MESD: variants seen among roughly 807,000 people sequenced by gnomAD.
MESD encodes the protein LRP chaperone MESD.
MESD carries 7 observed loss-of-function variants against 12.9 expected under a neutral mutation model. The observed-to-expected ratio is 0.54, with a 90% CI of 0.31 to 1.02. The LOEUF is 1.02. Among genes scored for constraint, MESD ranks in the 50% least tolerant of loss-of-function variants. The pLI is 0.05. For missense variants in MESD, 342 were observed against 296.7 expected (o/e 1.15, Z -1.12); for synonymous variants, 126 against 115.6 (o/e 1.09, Z -0.58).
chr15:80,948,773 A>T, exon 5 of MESD: 1 of 1,614,014 alleles, frequency 6.2e-7, no homozygotes, highest in Non-Finnish European at 8.5e-7. Flanking sequence ...GCTTTTGCTC[A>T]GGAGACTCAT....
exon 5 of MESD, chr15:80,948,524 T>C (rs758222224): frequency 9.5e-5 from 47 of 492,622 alleles, no homozygotes; most frequent in East Asian, 2.0e-4. Context: ...GTTTGCCCCA[T>C]TTCCTGCTGT....
intron 1 of MESD, among the ~76,000 whole-genome samples, chr15:80,984,234 T>G (rs1204426278): frequency 6.6e-6 from 1 of 151,980 alleles, no homozygotes; most frequent in Non-Finnish European, 1.5e-5. Context: ...AAATCTTTAA[T>G]AGAACCAGGT....
chr15:80,984,812 C>T (rs1422951693), intron 1 of MESD, among the ~76,000 whole-genome samples: 1 of 152,202 alleles, frequency 6.6e-6, no homozygotes, highest in Admixed American at 6.5e-5. Context: ...GTCACTCTTA[C>T]TGAACAATAT....
rs1433233756 is a variant in MESD at position 80,978,759 on chromosome 15, A to T, written c.*460T>A. 6.5e-6 allele frequency: 1 copy of T among 154,938 alleles called. No homozygotes were observed. The highest frequency in any genetic ancestry group is 1.4e-5 in the Non-Finnish European group (1 of 70,026). 9.6% of individuals were successfully genotyped at this position (154,938 alleles called of 1,614,324 possible). ...ACAGACATCTGAGTTCACAAAGCATATTTTACCTTTAACATAATGAAAATG... is the reference window on the plus strand; with the variant it reads ...ACAGACATCTGAGTTCACAAAGCATTTTTTACCTTTAACATAATGAAAATG... On this transcript the variant is annotated 3_prime_UTR_variant, in exon 3 of 3. Transcript: ENST00000261758.
intron 3 of MESD, among the ~76,000 whole-genome samples, chr15:80,969,592 C>G (rs117505832): frequency 6.6e-6 from 1 of 152,038 alleles, no homozygotes; most frequent in Admixed American, 6.6e-5. Context: ...TGGTGGCTCA[C>G]GCCTGTAACC....
chr15:80,971,417 C>T (rs926520103), downstream of MESD, among the ~76,000 whole-genome samples: 5 of 152,160 alleles, frequency 3.3e-5, no homozygotes, highest in African/African-American at 1.2e-4. Context: ...TAGGCCTTGA[C>T]CTTGGACTGC....
chr15:80,983,488 T>A (rs901445810), intron 1 of MESD, among the ~76,000 whole-genome samples: 4 of 152,118 alleles, frequency 2.6e-5, no homozygotes, highest in Non-Finnish European at 5.9e-5. Context: ...TTCTGGGAAG[T>A]AAGTTACAAA....
At chr15:80,955,638 T>TGTGTGA (rs1261492232) in intron 3 of MESD, among the ~76,000 whole-genome samples, 4 of 150,388 alleles carry the variant, frequency 2.7e-5, no homozygotes, top group African/African-American at 9.8e-5. Context: ...TGTGTGTGTG[T>TGTGTGA]GAGAGAGACA....
chr15:80,987,794 G>A (rs192711984), intron 1 of MESD, among the ~76,000 whole-genome samples: 34 of 150,216 alleles, frequency 2.3e-4, no homozygotes, highest in Non-Finnish European at 4.6e-4. Context: ...CAGCCAACCT[G>A]TCTTTTTACT....
exon 5 of MESD, chr15:80,948,384 G>C (rs893317892): frequency 6.3e-6 from 2 of 318,944 alleles, no homozygotes; most frequent in Non-Finnish European, 6.2e-6. Flanking sequence ...AGTGGGGAAG[G>C]AGATCTTGTA....
intron 1 of MESD, among the ~76,000 whole-genome samples, chr15:80,982,504 C>T (rs1380360087): frequency 1.3e-5 from 2 of 152,200 alleles, no homozygotes; most frequent in East Asian, 3.8e-4. Flanking sequence ...CAATGAAATA[C>T]TTCACAGCAA....
At chr15:80,962,776 C>T (rs893554076) in intron 3 of MESD, among the ~76,000 whole-genome samples, 5 of 152,150 alleles carry the variant, frequency 3.3e-5, no homozygotes, top group Non-Finnish European at 7.3e-5. Context: ...TAAAGATGTT[C>T]TTTGAAACCA....
At chr15:80,968,110 T>C (rs777682819) in intron 3 of MESD, among the ~76,000 whole-genome samples, 8 of 152,270 alleles carry the variant, frequency 5.3e-5, no homozygotes, top group Non-Finnish European at 1.2e-4. Context: ...GCAGACCGCT[T>C]GGACTCTGGC....
chr15:80,982,330 T>C lies in MESD; in HGVS notation c.214-148A>G, dbSNP rs537658778. The C allele has an allele frequency of 2.0e-4, 131 of 655,966 alleles. 1 individual carries two copies. Among genetic ancestry groups the C allele is most frequent in the Admixed American group, 5.8e-5 (2 of 34,446 alleles). The allele number at this position is 655,966 out of a possible 1,614,324, so 40.6% of individuals were successfully genotyped here. ...AAAACCAGGGGTTTTCTTCCTCTTC[T>C]TAACTTTCAAGATAGTCTAAGTTTC... On this transcript the variant is annotated intron_variant, in intron 1 of 2. Coordinates refer to ENST00000261758, the MANE Select transcript of MESD (RefSeq NM_015154.3).
chr15:80,979,698 C>T (rs73507450), intron 2 of MESD, among the ~76,000 whole-genome samples: 18,823 of 152,212 alleles, frequency 0.12, 2,235 homozygotes, highest in African/African-American at 0.31. Context: ...GAAACAGACA[C>T]TGGATGTTCC....
intron 1 of MESD, among the ~76,000 whole-genome samples, chr15:80,985,407 C>CT (rs1344085874): frequency 1.3e-5 from 2 of 152,156 alleles, no homozygotes; most frequent in Non-Finnish European, 2.9e-5. Flanking sequence ...CCTCTGTGAT[C>CT]TGGCCTCCAA....
intron 3 of MESD, among the ~76,000 whole-genome samples, chr15:80,969,796 A>G (rs1345201301): frequency 1.3e-5 from 2 of 152,196 alleles, no homozygotes; most frequent in Non-Finnish European, 1.5e-5. Flanking sequence ...CGGAAGTTGC[A>G]GTGAGCCGAG....
chr15:80,952,049 A>G (rs1455819122), exon 4 of MESD: 1 of 383,232 alleles, frequency 2.6e-6, no homozygotes, highest in South Asian at 1.9e-5. Flanking sequence ...GGCCATGTCC[A>G]GAACTTGCTG....
chr15:80,953,367 G>C (rs1262800609), intron 3 of MESD, among the ~76,000 whole-genome samples: 3 of 152,166 alleles, frequency 2.0e-5, no homozygotes, highest in Non-Finnish European at 4.4e-5. Flanking sequence ...TCGAGCAATG[G>C]GACACTGCAC....
Sources: gnomAD v4.1 joint callset for allele counts (sites outside exome capture counted in the v4.1 genomes callset) on GRCh38, gnomAD v4.1.1 for gene constraint, MANE v1.5 for transcripts, NCBI Gene and HGNC (gene_info 2026-07-23, HGNC 2026-07-21) for gene names.